Variants in SRGAP3 observed in about 807,000 individuals in gnomAD.
The protein encoded by SRGAP3 is SLIT-ROBO Rho GTPase activating protein 3, also known as SLIT-ROBO Rho GTPase-activating protein 3.
Under a neutral mutation model 121.1 loss-of-function variants are expected in SRGAP3, and 39 were observed. That is an observed-to-expected ratio of 0.32 (90% CI 0.25 to 0.42). The LOEUF (loss-of-function observed/expected upper bound fraction) is 0.42, where lower values mean the gene tolerates loss of function less well. Among genes scored for constraint, SRGAP3 ranks in the 10% least tolerant of loss-of-function variants. The pLI is 1.00. For missense variants in SRGAP3, 1,213 were observed against 1,470.6 expected (o/e 0.82, Z 2.86); for synonymous variants, 601 against 570.0 (o/e 1.05, Z -0.77).
chr3:9,038,230 T>C, intron 10 of SRGAP3, 140 bp from the exon 11 acceptor site: 1 of 1,183,864 alleles, frequency 8.4e-7, no homozygotes, highest in Non-Finnish European at 1.2e-6. Flanking sequence ...AGGTGCGGTC[T>C]GTTGAAAAGA....
At chr3:9,176,887 A>C (rs1951198465) in intron 1 of SRGAP3, among the ~76,000 whole-genome samples, 1 of 152,218 alleles carries the variant, frequency 6.6e-6, no homozygotes, top group African/African-American at 2.4e-5. Context: ...TCACATTTCA[A>C]CATGAGATTT....
upstream of SRGAP3, among the ~76,000 whole-genome samples, chr3:9,253,311 C>T (rs564890990): frequency 5.3e-5 from 8 of 152,094 alleles, no homozygotes; most frequent in South Asian, 1.5e-3. Flanking sequence ...TTTTTTCATT[C>T]CCTATAATTA....
chr3:9,137,090 AGAG>A (rs1949692805), intron 1 of SRGAP3, among the ~76,000 whole-genome samples: 1 of 152,182 alleles, frequency 6.6e-6, no homozygotes. Flanking sequence ...CCCGTTTTGC[AGAG>A]GAGGAGACTG....
At chr3:9,103,309 G>C (rs1429632591) in intron 3 of SRGAP3, among the ~76,000 whole-genome samples, 9 of 152,162 alleles carry the variant, frequency 5.9e-5, no homozygotes. Flanking sequence ...GAAGAGATGA[G>C]CTAGATTCTT....
intron 19 of SRGAP3, chr3:8,994,071 T>C (rs538856993): frequency 8.3e-6 from 4 of 483,710 alleles, no homozygotes; most frequent in Middle Eastern, 1.1e-3. Flanking sequence ...TGGTGGGTGA[T>C]GGCACTCCCT....
intron 1 of SRGAP3, among the ~76,000 whole-genome samples, chr3:9,190,517 A>G (rs1951717516): frequency 6.6e-6 from 1 of 152,218 alleles, no homozygotes; most frequent in African/African-American, 2.4e-5. Context: ...GCTGGCTCCA[A>G]TCCTCGGGGC....
At chr3:9,126,641 C>A (rs201509672) in intron 1 of SRGAP3, among the ~76,000 whole-genome samples, 2 of 101,418 alleles carry the variant, frequency 2.0e-5, no homozygotes, top group African/African-American at 3.2e-5. Context: ...AACTAACTAA[C>A]TAACTAAATA....
At chr3:9,198,816 C>G (rs575709714) in intron 1 of SRGAP3, among the ~76,000 whole-genome samples, 3 of 152,192 alleles carry the variant, frequency 2.0e-5, no homozygotes, top group Non-Finnish European at 4.4e-5. Flanking sequence ...ACATGTAAAA[C>G]AGGCCCAGGC....
At chr3:9,274,562 C>T (rs779704747) in intron 3 of SRGAP3, among the ~76,000 whole-genome samples, 7 of 152,178 alleles carry the variant, frequency 4.6e-5, no homozygotes, top group South Asian at 2.1e-4. Flanking sequence ...TTAGCTTTGT[C>T]GTCTGAGGAC....
intron 3 of SRGAP3, among the ~76,000 whole-genome samples, chr3:9,092,268 G>A (rs1185005318): frequency 2.0e-5 from 3 of 151,950 alleles, no homozygotes. Flanking sequence ...GGTCAGGCTA[G>A]GAGTTTCTGG....
At chr3:9,169,593 G>A (rs1448179445) in intron 1 of SRGAP3, among the ~76,000 whole-genome samples, 2 of 152,220 alleles carry the variant, frequency 1.3e-5, no homozygotes, top group Admixed American at 6.5e-5. Flanking sequence ...TGCACAATAA[G>A]TGAGTAAATA....
chr3:9,180,775 T>G (rs946387089), intron 1 of SRGAP3, among the ~76,000 whole-genome samples: 1 of 152,052 alleles, frequency 6.6e-6, no homozygotes, highest in East Asian at 1.9e-4. Context: ...CAGATCCCAG[T>G]TCCCACTGTA....
chr3:9,158,075 G>A (rs1310976638), intron 1 of SRGAP3, among the ~76,000 whole-genome samples: 1 of 152,164 alleles, frequency 6.6e-6, no homozygotes, highest in Non-Finnish European at 1.5e-5. Flanking sequence ...GGACTGTCAG[G>A]ACAACCCCAA....
chr3:9,206,173 T>C (rs530189123), intron 1 of SRGAP3, among the ~76,000 whole-genome samples: 1 of 152,320 alleles, frequency 6.6e-6, no homozygotes, highest in East Asian at 1.9e-4. Context: ...GTAAATTTTA[T>C]CACAACAAAA....
intron 8 of SRGAP3, among the ~76,000 whole-genome samples, chr3:9,054,967 T>A (rs1415694234): frequency 1.3e-5 from 2 of 152,218 alleles, no homozygotes; most frequent in African/African-American, 4.8e-5. Flanking sequence ...GAACATTGGC[T>A]TCATTCTCCT....
At chr3:9,256,258 GA>G (rs1954130924) in intron 3 of SRGAP3, among the ~76,000 whole-genome samples, 2 of 152,216 alleles carry the variant, frequency 1.3e-5, no homozygotes, top group Admixed American at 6.5e-5. Flanking sequence ...CCAAGGACTG[GA>G]CAGCTTCAGT....
chr3:9,126,817 G>T (rs1233052778), intron 1 of SRGAP3, among the ~76,000 whole-genome samples: 1 of 152,050 alleles, frequency 6.6e-6, no homozygotes, highest in Non-Finnish European at 1.5e-5. Context: ...ATTACTTAAT[G>T]GGTGTAATGT....
intron 5 of SRGAP3, among the ~76,000 whole-genome samples, chr3:9,061,016 G>A (rs111558713): frequency 0.052 from 7,931 of 152,270 alleles, 714 homozygotes; most frequent in African/African-American, 0.18. Flanking sequence ...CATATCACCT[G>A]AGGTTAGGAG....
intron 2 of SRGAP3, among the ~76,000 whole-genome samples, chr3:9,116,050 T>C (rs1948793342): frequency 6.6e-6 from 1 of 152,206 alleles, no homozygotes. Context: ...TAATTCAATA[T>C]TTATGGTTCC....
Sources: gnomAD v4.1 joint callset for allele counts (sites outside exome capture counted in the v4.1 genomes callset) on GRCh38, gnomAD v4.1.1 for gene constraint, MANE v1.5 for transcripts, NCBI Gene and HGNC (gene_info 2026-07-23, HGNC 2026-07-21) for gene names.